The following MED19 variants were observed in gnomAD, a reference collection of about 807,000 sequenced individuals.
MED19 encodes mediator of RNA polymerase II transcription subunit 19.
MED19 carries 4 observed loss-of-function variants against 19.9 expected under a neutral mutation model. The ratio of observed to expected loss-of-function variants is 0.20; its 90% confidence interval spans 0.10 to 0.46. The LOEUF (loss-of-function observed/expected upper bound fraction) is 0.46. MED19 is among the 20% of genes least tolerant of loss of function. The pLI, the probability that MED19 is intolerant of heterozygous loss-of-function variation, is 0.99. For synonymous variants in MED19, 139 were observed against 119.6 expected, an observed-to-expected ratio of 1.16 and a Z score of -1.06; for missense variants, 303 against 318.7, an observed-to-expected ratio of 0.95 and a Z score of 0.38.
Position 57,704,975 on chromosome 11 carries a change from G to A in MED19, c.472C>T (p.Pro158Ser), listed in dbSNP as rs200175950. The change falls in exon 2 of 5, where the codon CCG becomes TCG. Residue 158 changes from proline to serine, a missense_variant and splice_region_variant. Pro to Ser is a moderately conservative substitution (Grantham distance 74). This residue lies in a region of MED19 where 274 missense variants were observed against 259.2 expected (regional missense o/e 1.06). Transcript: ENST00000431606. Reference sequence around the variant, plus strand: ...CTTCTTCCTCCAACAGGACTCACCGGGCCAGTGTGGAGGCGGAAGCCGGCC... The same window carrying A: ...CTTCTTCCTCCAACAGGACTCACCGAGCCAGTGTGGAGGCGGAAGCCGGCC... 1.5e-4 allele frequency: 243 copies of A among 1,612,950 alleles called. No individual in the cohort carries two copies. Among genetic ancestry groups the A allele is most frequent in the Non-Finnish European group, 2.0e-4 (240 of 1,179,564 alleles).
At chr11:57,706,394 C>A (rs556135312) in intron 1 of MED19, among the ~76,000 whole-genome samples, 8 of 152,222 alleles carry the variant, frequency 5.3e-5, no homozygotes, top group African/African-American at 1.7e-4. Flanking sequence ...TCCGCCACCC[C>A]CCGCCGCCTC....
intron 1 of MED19, among the ~76,000 whole-genome samples, chr11:57,708,146 A>G (rs1252536301): frequency 2.0e-5 from 3 of 152,096 alleles, no homozygotes; most frequent in African/African-American, 7.2e-5. Context: ...ATAAAAAAAA[A>G]AAAAATTGTT....
chr11:57,705,315 C>T lies in MED19; in HGVS notation c.218-86G>A, dbSNP rs951457657. The T allele has an allele frequency of 2.8e-6, 4 of 1,421,294 alleles. No homozygotes were observed. The East Asian group carries it at 7.1e-5, about 25-fold the overall frequency. The allele number at this position is 1,421,294 out of a possible 1,614,324, so 88.0% of individuals were successfully genotyped here. ...GGACTATATATTAACCTAAATAAGA[C>T]ATTTTTTAAGTGCAGATTTTAAAAT... On this transcript the variant is annotated intron_variant, in intron 1 of 4. Coordinates refer to ENST00000431606, the Ensembl canonical transcript of MED19.
chr11:57,706,400 G>A (rs771425840), intron 1 of MED19, among the ~76,000 whole-genome samples: 1 of 150,590 alleles, frequency 6.6e-6, no homozygotes, highest in African/African-American at 2.4e-5. Context: ...ACCCCCCGCC[G>A]CCTCGGTTTT....
rs780711817 is a variant in MED19 at position 57,706,732 on chromosome 11, CAAAA to C, written c.218-1507_218-1504del. Among the ~76,000 whole-genome samples the C allele has an allele frequency of 3.4e-4, 51 of 150,988 alleles. 1 individual carries two copies. In the South Asian group the frequency reaches 0.01, roughly 30 times the overall value. On this transcript the variant is annotated intron_variant, in intron 1 of 4. Transcript: ENST00000431606. ...TGGGTGAGAGAGTGAGACCCTGTCTCAAAAAAAACAAAACAAAACAAAACAACAA... is the reference window on the plus strand; with the variant it reads ...TGGGTGAGAGAGTGAGACCCTGTCTCAAAACAAAACAAAACAAAACAACAA...
intron 1 of MED19, among the ~76,000 whole-genome samples, 160 bp from the exon 2 acceptor site, chr11:57,705,389 T>A (rs1458664716): frequency 6.6e-6 from 1 of 152,216 alleles, no homozygotes; most frequent in Non-Finnish European, 1.5e-5. Context: ...CAGTGGCTCA[T>A]GCCTGTAATC....
exon 3 of MED19, chr11:57,704,773 T>C: frequency 6.2e-7 from 1 of 1,613,338 alleles, no homozygotes. Context: ...TTATTCTTCT[T>C]CTTGGGAGGC....
In MED19 at chr11:57,704,860, C is replaced by G. The variant is rs772047258; in HGVS notation, c.475-45G>C. On this transcript the variant is annotated intron_variant, in intron 2 of 4. Transcript: ENST00000431606. Reference sequence around the variant, plus strand: ...GTCCAGGTGAGTAGAGGGAGGAAATCTCTCCTGCTCTTATCATCCATTCTG... The same window carrying G: ...GTCCAGGTGAGTAGAGGGAGGAAATGTCTCCTGCTCTTATCATCCATTCTG... 6.2e-6 allele frequency: 10 copies of G among 1,609,798 alleles called. No homozygotes were observed. In the Admixed American group the frequency reaches 8.4e-5, roughly 14 times the overall value.
chr11:57,709,274 G>A (rs1467731928), intron 1 of MED19, among the ~76,000 whole-genome samples: 1 of 149,126 alleles, frequency 6.7e-6, no homozygotes, highest in Non-Finnish European at 1.5e-5. Context: ...CGAACTACTC[G>A]GGAGGCTGAG....
At chr11:57,704,471 G>T in intron 3 of MED19, 75 bp from the exon 4 acceptor site, 1 of 1,543,350 alleles carries the variant, frequency 6.5e-7, no homozygotes, top group East Asian at 2.3e-5. Context: ...GAAGACTACA[G>T]GAAAATCCCA....
intron 1 of MED19, among the ~76,000 whole-genome samples, chr11:57,706,534 G>A (rs1946509584): frequency 6.6e-6 from 1 of 152,158 alleles, no homozygotes; most frequent in South Asian, 2.1e-4. Flanking sequence ...ACTTCAGGAG[G>A]CCAAGGCGGG....
At chr11:57,707,050 T>G (rs1053397594) in intron 1 of MED19, among the ~76,000 whole-genome samples, 1 of 151,930 alleles carries the variant, frequency 6.6e-6, no homozygotes, top group African/African-American at 2.4e-5. Flanking sequence ...ATACAAAAAT[T>G]AGCTGGGTGT....
rs1946490522 is a variant in MED19, at chr11:57,704,955, T to A, written c.474+18A>T. The A allele has an allele frequency of 3.1e-6, 5 of 1,608,828 alleles. No homozygotes were observed. Among genetic ancestry groups the A allele is most frequent in the Middle Eastern group, 1.7e-4 (1 of 5,820 alleles). Reference sequence around the variant, plus strand: ...GTTTAGGCCTCCCCATTTGCCTTCTTCCTCCAACAGGACTCACCGGGCCAG... The same window carrying A: ...GTTTAGGCCTCCCCATTTGCCTTCTACCTCCAACAGGACTCACCGGGCCAG... On this transcript the variant is annotated intron_variant, in intron 2 of 4. Coordinates refer to ENST00000431606, the Ensembl canonical transcript of MED19.
At chr11:57,712,203 C>G in exon 1 of MED19, 1 of 1,496,366 alleles carries the variant, frequency 6.7e-7, no homozygotes, top group Non-Finnish European at 8.9e-7. Context: ...CCGGCGCTGT[C>G]TCCGTGTCTG....
chr11:57,711,915 T>A (rs1400455703), intron 1 of MED19, 48 bp downstream of exon 1: 1 of 1,393,444 alleles, frequency 7.2e-7, no homozygotes, highest in Non-Finnish European at 9.4e-7. Context: ...GCCCATCACC[T>A]CCTCTCTAAG....
intron 1 of MED19, among the ~76,000 whole-genome samples, chr11:57,708,852 A>AC (rs1946534125): frequency 6.6e-6 from 1 of 152,186 alleles, no homozygotes; most frequent in South Asian, 2.1e-4. Context: ...ATTAAAAGAA[A>AC]CCGCTGGTGG....
intron 1 of MED19, among the ~76,000 whole-genome samples, chr11:57,705,900 T>C (rs1453757527): frequency 1.3e-5 from 2 of 152,098 alleles, no homozygotes; most frequent in African/African-American, 4.8e-5. Flanking sequence ...AATTATATTC[T>C]CTGACACAGC....
intron 1 of MED19, 31 bp downstream of exon 1, chr11:57,711,932 T>A (rs1565206622): frequency 1.3e-5 from 18 of 1,400,968 alleles, no homozygotes; most frequent in Non-Finnish European, 1.5e-5. Flanking sequence ...TAAGATTTGA[T>A]TGGCTGGCTT....
chr11:57,703,822 A>C, exon 5 of MED19: 1 of 539,060 alleles, frequency 1.9e-6, no homozygotes. Context: ...TGGGAGAGGA[A>C]GAGATGTCCA....
Sources: gnomAD v4.1 joint callset for allele counts (sites outside exome capture counted in the v4.1 genomes callset) on GRCh38, gnomAD v4.1.1 for gene constraint, gnomAD v4.1.1 regional missense constraint, MANE v1.5 for transcripts, NCBI Gene and HGNC (gene_info 2026-07-23, HGNC 2026-07-21) for gene names.